Variants in WDFY2 observed in about 807,000 individuals in gnomAD.
The protein encoded by WDFY2 is WD repeat and FYVE domain-containing protein 2.
In WDFY2, 36 loss-of-function variants were observed where a neutral mutation model predicts 56.4. That is an observed-to-expected ratio of 0.64 (90% CI 0.49 to 0.84). WDFY2 has a LOEUF of 0.84. Ranked by LOEUF, WDFY2 falls within the 40% of genes least tolerant of loss-of-function variation. The probability of loss-of-function intolerance (pLI) is 0.00; values close to 1 mark genes in which losing one functional copy is unlikely to be tolerated. For missense variants in WDFY2, 444 were observed against 512.2 expected, an observed-to-expected ratio of 0.87 and a Z score of 1.29; for synonymous variants, 176 against 183.7, an observed-to-expected ratio of 0.96 and a Z score of 0.34.
At chr13:51,737,210 C>T (rs1471225897) in intron 6 of WDFY2, among the ~76,000 whole-genome samples, 1 of 152,074 alleles carries the variant, frequency 6.6e-6, no homozygotes, top group Non-Finnish European at 1.5e-5. Context: ...CAATAGTAGT[C>T]AGCCAGGCAC....
chr13:51,756,400 G>A lies in WDFY2; in HGVS notation c.1002G>A (p.Leu334=). 6.2e-7 allele frequency: 1 copy of A among 1,614,130 alleles called. No individual in the cohort carries two copies. Among genetic ancestry groups the A allele is most frequent in the South Asian group, 1.1e-5 (1 of 91,072 alleles). ...GCTCCAAGCGCTCCTCCATCCCCCT[G>A]ATGGGCTTCGAGTTTGAAGTGAGGG... ...KCSSKRSSIP[L]MGFEFEVRVC... Residue 334 remains leucine, a synonymous_variant, in exon 10 of 12, where the codon CTG becomes CTA. Coordinates refer to ENST00000298125, the MANE Select transcript of WDFY2 (RefSeq NM_052950.4).
chr13:51,635,619 G>A (rs1028420919), intron 1 of WDFY2, among the ~76,000 whole-genome samples: 2 of 152,162 alleles, frequency 1.3e-5, no homozygotes, highest in Non-Finnish European at 2.9e-5. Flanking sequence ...TTAGGCTTTC[G>A]AGTCAAACTC....
intron 4 of WDFY2, among the ~76,000 whole-genome samples, chr13:51,707,495 A>G (rs1397084106): frequency 1.3e-5 from 2 of 152,232 alleles, no homozygotes; most frequent in Admixed American, 6.5e-5. Context: ...AACTTCCAAC[A>G]TAGAATTATA....
chr13:51,736,120 G>A (rs1231869171), intron 6 of WDFY2, among the ~76,000 whole-genome samples: 1 of 152,194 alleles, frequency 6.6e-6, no homozygotes, highest in African/African-American at 2.4e-5. Context: ...CACTGTCACA[G>A]AGATTGTATA....
At chr13:51,700,407 TTTGG>T (rs1185809680) in intron 3 of WDFY2, among the ~76,000 whole-genome samples, 1 of 152,240 alleles carries the variant, frequency 6.6e-6, no homozygotes, top group Non-Finnish European at 1.5e-5. Context: ...TCTTTTGAAC[TTTGG>T]TTGGTCAATC....
chr13:51,703,167 G>A (rs956767217), intron 3 of WDFY2, among the ~76,000 whole-genome samples: 1 of 151,992 alleles, frequency 6.6e-6, no homozygotes, highest in African/African-American at 2.4e-5. Flanking sequence ...GTAAGTAAGG[G>A]GAAATAAATT....
At position 51,751,304 on chromosome 13, in the gene WDFY2, T is replaced by C. The variant is rs755697503; in HGVS notation, c.726-6T>C. ...AACTGTCAATAACCCTTGGTTTCTT[T>C]CACAGCGACAGAGTCCAGGCCCTCT... On this transcript the variant is annotated splice_polypyrimidine_tract_variant and splice_region_variant and intron_variant, in intron 7 of 11. Transcript: ENST00000298125. 43 of 1,611,182 alleles carry C rather than the reference T, an allele frequency of 2.7e-5. No individual in the cohort carries two copies. The highest frequency in any genetic ancestry group is 3.6e-5 in the Non-Finnish European group (43 of 1,178,912).
chr13:51,690,411 G>C (rs1405852447), intron 3 of WDFY2, among the ~76,000 whole-genome samples: 1 of 136,670 alleles, frequency 7.3e-6, no homozygotes, highest in Non-Finnish European at 1.5e-5. Flanking sequence ...TGCTCTCATT[G>C]TTCAATTCCC....
chr13:51,687,659 T>G (rs1053711862), intron 3 of WDFY2, among the ~76,000 whole-genome samples: 2 of 152,126 alleles, frequency 1.3e-5, no homozygotes, highest in African/African-American at 4.8e-5. Context: ...TCATATTTAT[T>G]GATTACCTCT....
chr13:51,705,890 C>A (rs578227595), intron 4 of WDFY2, among the ~76,000 whole-genome samples: 52 of 152,256 alleles, frequency 3.4e-4, no homozygotes, highest in Admixed American at 1.0e-3. Flanking sequence ...TAGCCCATCA[C>A]CTCAGCTTAC....
chr13:51,675,996 C>T (rs966045338), intron 3 of WDFY2, among the ~76,000 whole-genome samples: 1 of 152,182 alleles, frequency 6.6e-6, no homozygotes, highest in Non-Finnish European at 1.5e-5. Context: ...AGAAGCCCTG[C>T]TTCAGAACCT....
chr13:51,592,044 A>G (rs1954055103), intron 1 of WDFY2: 1 of 151,942 alleles, frequency 6.6e-6, no homozygotes, highest in Non-Finnish European at 1.5e-5. Context: ...CTAATGTTAA[A>G]TGAAGAGTTA....
chr13:51,736,576 C>A (rs1197048640), intron 6 of WDFY2, among the ~76,000 whole-genome samples: 1 of 152,064 alleles, frequency 6.6e-6, no homozygotes, highest in Non-Finnish European at 1.5e-5. Context: ...CACTGCAACC[C>A]CTGCCTCCTG....
intron 3 of WDFY2, among the ~76,000 whole-genome samples, chr13:51,684,465 C>T (rs895913745): frequency 6.6e-6 from 1 of 151,602 alleles, no homozygotes; most frequent in South Asian, 2.1e-4. Context: ...GTGAGGCTCC[C>T]GAAGGTTCTG....
At chr13:51,712,339 T>C (rs570268025) in intron 4 of WDFY2, among the ~76,000 whole-genome samples, 34 of 151,670 alleles carry the variant, frequency 2.2e-4, no homozygotes, top group African/African-American at 8.0e-4. Context: ...GGAGAAATAA[T>C]GTAAATGACG....
chr13:51,624,222 C>G (rs1343219930), intron 1 of WDFY2, among the ~76,000 whole-genome samples: 2 of 152,124 alleles, frequency 1.3e-5, no homozygotes, highest in Non-Finnish European at 2.9e-5. Flanking sequence ...AGATTTGATT[C>G]AATGTATTCT....
At chr13:51,636,092 A>G (rs1476754695) in intron 1 of WDFY2, among the ~76,000 whole-genome samples, 2 of 152,108 alleles carry the variant, frequency 1.3e-5, no homozygotes, top group African/African-American at 4.8e-5. Flanking sequence ...TCCCTTACAT[A>G]TATCAGGAAC....
At chr13:51,591,825 G>A (rs1404613140) in intron 1 of WDFY2, 4 of 152,104 alleles carry the variant, frequency 2.6e-5, no homozygotes, top group African/African-American at 9.7e-5. Context: ...TTCAACTTGG[G>A]GACCTAAACC....
At position 51,584,484 on chromosome 13, in the gene WDFY2, C is replaced by T. The variant is rs1593837229; in HGVS notation, c.-204C>T. 4 of 641,344 alleles carry T rather than the reference C, an allele frequency of 6.2e-6. No homozygotes were observed. The South Asian group carries it at 9.5e-5, about 15-fold the overall frequency. The allele number at this position is 641,344 out of a possible 1,614,324, so 39.7% of individuals were successfully genotyped here. A position where few individuals can be genotyped will look rare whatever the true frequency, so the allele number is the denominator to read the frequency against. ...CTTGTAGTGGCGCCGGCTTGCATCC[C>T]AGGTCGTGGCGGTTTTGGTGCCTGA... On this transcript the variant is annotated 5_prime_UTR_variant, in exon 1 of 12. Transcript: ENST00000298125.
Sources: allele counts gnomAD v4.1 joint callset (sites outside exome capture counted in the v4.1 genomes callset), GRCh38; gene constraint gnomAD v4.1.1; transcripts MANE v1.5; gene names NCBI Gene and HGNC (gene_info 2026-07-23, HGNC 2026-07-21).